The following CEP164 variants were observed in gnomAD, a reference collection of about 807,000 sequenced individuals.
CEP164 encodes the protein centrosomal protein of 164 kDa.
In CEP164, 162 loss-of-function variants were observed where a neutral mutation model predicts 182.7. The ratio of observed to expected loss-of-function variants is 0.89; its 90% CI spans 0.78 to 1.01. CEP164 has a LOEUF of 1.01. Among genes scored for constraint, CEP164 ranks in the 50% least tolerant of loss-of-function variants. CEP164 has a pLI of 0.00. For synonymous variants in CEP164, 661 were observed against 690.0 expected, an observed-to-expected ratio of 0.96 and a Z score of 0.66; for missense variants, 1,735 against 1,790.4, an observed-to-expected ratio of 0.97 and a Z score of 0.56.
chr11:117,359,243 C>G (rs1336590323), intron 5 of CEP164, among the ~76,000 whole-genome samples: 1 of 152,120 alleles, frequency 6.6e-6, no homozygotes, highest in Non-Finnish European at 1.5e-5. Context: ...CACGCCCAGC[C>G]TGGGCAGGGT....
Position 117,344,170 on chromosome 11 carries a change from T to G in CEP164, c.87T>G (p.Ile29Met). 1 of 1,607,964 alleles carries G rather than the reference T, an allele frequency of 6.2e-7. No homozygotes were observed. Among genetic ancestry groups the G allele is most frequent in the Non-Finnish European group, 8.5e-7 (1 of 1,176,186 alleles). ...DETYIPSEQE[I>M]LEFAREIGID... is the part of the protein sequence containing the mutation. ...CACCTCTGCCTCTCCTTGCAGAAAT[T>G]CTTGAATTTGCCCGGGAGATTGGTA... The change falls in exon 4 of 33, where the codon ATT becomes ATG. Residue 29 changes from isoleucine to methionine, a missense_variant. Ile to Met is a conservative substitution (Grantham distance 10). Coordinates refer to ENST00000278935, the MANE Select transcript of CEP164 (RefSeq NM_014956.5).
upstream of CEP164, among the ~76,000 whole-genome samples, chr11:117,325,143 GGC>G (rs1259836623): frequency 6.6e-6 from 1 of 152,034 alleles, no homozygotes; most frequent in Non-Finnish European, 1.5e-5. Flanking sequence ...GGAGTGCGGT[GGC>G]GTGATCTTGG....
rs1017285663 is a variant in CEP164, at chr11:117,340,873, G to A, written c.82+2205G>A. The stretch of plus-strand genomic sequence containing the variant: ...TTTAGAGACGGAGTCTCACTTTGTC[G>A]CCCAGGCTGGACTGCAATGGCGTGA... On this transcript the variant is annotated intron_variant, in intron 3 of 32. Coordinates refer to ENST00000278935, the MANE Select transcript of CEP164 (RefSeq NM_014956.5). Among the ~76,000 whole-genome samples, 10 of 152,106 alleles carry A rather than the reference G, an allele frequency of 6.6e-5. 1 individual carries two copies. Among genetic ancestry groups the A allele is most frequent in the Middle Eastern group, 6.8e-3 (2 of 294 alleles).
chr11:117,371,633 T>C (rs1025752062), intron 9 of CEP164, among the ~76,000 whole-genome samples, 167 bp downstream of exon 9: 1 of 152,090 alleles, frequency 6.6e-6, no homozygotes, highest in African/African-American at 2.4e-5. Context: ...TTGTGACAAA[T>C]ATGCCCAGAC....
intron 8 of CEP164, among the ~76,000 whole-genome samples, chr11:117,365,567 A>ATTTC (rs34968044): frequency 0.19 from 28,481 of 151,186 alleles, 2,684 homozygotes; most frequent in Admixed American, 0.25. Flanking sequence ...TGAAAGGTGG[A>ATTTC]TTTCTTTCTT....
chr11:117,359,336 A>G (rs945585451), intron 5 of CEP164: 247 of 833,212 alleles, frequency 3.0e-4, no homozygotes, highest in Non-Finnish European at 3.3e-4. Flanking sequence ...TGAGAGTAAA[A>G]TAAGACATTG....
At chr11:117,359,365 A>C in intron 5 of CEP164, 4 of 937,818 alleles carry the variant, frequency 4.3e-6, no homozygotes, top group Non-Finnish European at 5.1e-6. Context: ...GTGTTTAGCC[A>C]GTGCACTGCT....
At chr11:117,350,240 T>A (rs1210654643) in intron 4 of CEP164, among the ~76,000 whole-genome samples, 1 of 151,864 alleles carries the variant, frequency 6.6e-6, no homozygotes, top group African/African-American at 2.4e-5. Context: ...TCTTGCCCTG[T>A]CACCCAGGCT....
chr11:117,395,583 C>G lies in CEP164; in HGVS notation c.2950C>G (p.Gln984Glu). The change falls in exon 24 of 33, where the codon CAG (glutamine) becomes GAG (glutamate). Residue 984 changes from glutamine (Q) to glutamate (E), a missense_variant. Physicochemically the swap from Gln to Glu is conservative, Grantham distance 29. Transcript: ENST00000278935. ...TATHQQLEEA[Q>E]KEHTHLLQSN... ...CACCCATCAGCAGCTGGAGGAGGCA[C>G]AGAAGGAGCACACCCACCTGTTGCA... 2 of 1,613,584 alleles carry G rather than the reference C, an allele frequency of 1.2e-6. No individual in the cohort carries two copies. Among genetic ancestry groups the G allele is most frequent in the South Asian group, 2.2e-5 (2 of 90,978 alleles).
At chr11:117,381,952 G>C in intron 13 of CEP164, 84 bp downstream of exon 13, 2 of 968,558 alleles carry the variant, frequency 2.1e-6, no homozygotes, top group Non-Finnish European at 2.7e-6. Context: ...AGTGCTGAGA[G>C]AGATGGGGGT....
At chr11:117,351,742 C>CTT in intron 4 of CEP164, 48 bp from the exon 5 acceptor site, 1 of 1,367,634 alleles carries the variant, frequency 7.3e-7, no homozygotes, top group Non-Finnish European at 9.7e-7. Context: ...TTTTTTTCTT[C>CTT]TTTTGTATCT....
At chr11:117,362,309 G>A (rs1408301563) in intron 6 of CEP164, 95 bp from the exon 7 acceptor site, 8 of 1,356,532 alleles carry the variant, frequency 5.9e-6, no homozygotes, top group Non-Finnish European at 8.1e-6. Flanking sequence ...ACTTGATCTG[G>A]GAGACATTGA....
At chr11:117,343,630 T>TA (rs1311201226) in intron 3 of CEP164, among the ~76,000 whole-genome samples, 2 of 85,400 alleles carry the variant, frequency 2.3e-5, no homozygotes, top group Non-Finnish European at 4.8e-5. Context: ...ATTTTTTGCC[T>TA]TTTTTTTTTT....
intron 6 of CEP164, 45 bp from the exon 7 acceptor site, chr11:117,362,359 A>T (rs2041094258): frequency 6.3e-7 from 1 of 1,589,116 alleles, no homozygotes; most frequent in Admixed American, 1.7e-5. Flanking sequence ...GTCATTCCAA[A>T]GGTCTTCCAA....
chr11:117,350,140 G>C (rs548368898), intron 4 of CEP164, among the ~76,000 whole-genome samples: 2 of 151,714 alleles, frequency 1.3e-5, no homozygotes, highest in Non-Finnish European at 2.9e-5. Context: ...AACTCCTGAC[G>C]TCAGGTGATC....
Position 117,396,600 on chromosome 11 carries a change from A to G in CEP164, c.3267A>G (p.Leu1089=), listed in dbSNP as rs370572334. 1.2e-6 allele frequency: 2 copies of G among 1,613,402 alleles called. No homozygotes were observed. The highest frequency in any genetic ancestry group is 1.7e-6 in the Non-Finnish European group (2 of 1,179,344). ...CTCTCTCCCAGAGCAAGGAGGACTT[A>G]TACTTGGACAGGTGAGTTCCCATAG... ...SSSLSQSKED[L]YLDSLSSHNV... The change falls in exon 26 of 33, where the codon TTA becomes TTG. Residue 1089 remains leucine, a synonymous_variant. Coordinates refer to ENST00000278935, the MANE Select transcript of CEP164 (RefSeq NM_014956.5).
intron 5 of CEP164, among the ~76,000 whole-genome samples, chr11:117,361,160 C>T (rs1406257053): frequency 6.7e-6 from 1 of 149,848 alleles, no homozygotes; most frequent in Non-Finnish European, 1.5e-5. Flanking sequence ...GTCTTGAACT[C>T]CTGATCTCAG....
At chr11:117,346,511 C>G (rs1374266559) in intron 4 of CEP164, among the ~76,000 whole-genome samples, 1 of 151,850 alleles carries the variant, frequency 6.6e-6, no homozygotes, top group African/African-American at 2.4e-5. Context: ...CCCGCCTTGT[C>G]CTCCCAAAGT....
At position 117,409,035 on chromosome 11, in the gene CEP164, G is replaced by T. The variant is rs767096820; in HGVS notation, c.3748+7G>T. On this transcript the variant is annotated splice_region_variant and intron_variant, in intron 29 of 32. Coordinates refer to ENST00000278935, the MANE Select transcript of CEP164 (RefSeq NM_014956.5). The surrounding 1 kb of genome is among the most constrained non-coding windows in gnomAD (Gnocchi z 4.4). Reference sequence around the variant, plus strand: ...TGGTGGCGGCAGCAGAGGAGTGAGTGGGGGAGATGCGGGGTGAGGACCATG... The same window carrying T: ...TGGTGGCGGCAGCAGAGGAGTGAGTTGGGGAGATGCGGGGTGAGGACCATG... 1.2e-5 allele frequency: 20 copies of T among 1,613,824 alleles called. No homozygotes were observed. Among genetic ancestry groups the T allele is most frequent in the Admixed American group, 5.0e-5 (3 of 60,002 alleles).
Sources: allele counts gnomAD v4.1 joint callset (sites outside exome capture counted in the v4.1 genomes callset), GRCh38; gene constraint gnomAD v4.1.1; non-coding constraint Gnocchi (gnomAD v3.1); transcripts MANE v1.5; gene names NCBI Gene and HGNC (gene_info 2026-07-23, HGNC 2026-07-21).